FAM151B: variants seen among roughly 807,000 people sequenced by gnomAD.
FAM151B encodes the protein family with sequence similarity 151 member B.
FAM151B carries 24 observed loss-of-function variants against 31.2 expected under a neutral mutation model. That is an observed-to-expected ratio of 0.77 (90% confidence interval 0.56 to 1.08). FAM151B has a LOEUF of 1.08. Among genes scored for constraint, FAM151B ranks in the 50% least tolerant of loss-of-function variants. The pLI, the probability that FAM151B is intolerant of heterozygous loss-of-function variation, is 0.00. For missense variants in FAM151B, 293 were observed against 328.6 expected, an observed-to-expected ratio of 0.89 and a Z score of 0.84; for synonymous variants, 105 against 111.4, an observed-to-expected ratio of 0.94 and a Z score of 0.36.
intron 1 of FAM151B, among the ~76,000 whole-genome samples, 171 bp from the exon 2 acceptor site, chr5:80,501,621 A>T (rs926829512): frequency 4.6e-5 from 7 of 152,088 alleles, no homozygotes; most frequent in Admixed American, 6.6e-5. Flanking sequence ...GAGATGATGG[A>T]TATGTTAATT....
chr5:80,514,525 TGGA>T (rs1271744110), intron 3 of FAM151B, among the ~76,000 whole-genome samples: 1 of 146,808 alleles, frequency 6.8e-6, no homozygotes, highest in East Asian at 2.0e-4. Context: ...TAATAATATT[TGGA>T]GGCATTAATA....
intron 2 of FAM151B, among the ~76,000 whole-genome samples, chr5:80,506,647 C>G (rs1220857340): frequency 6.6e-6 from 1 of 152,154 alleles, no homozygotes; most frequent in East Asian, 1.9e-4. Flanking sequence ...AAACATAAAT[C>G]AAGCCTCTTT....
chr5:80,534,873 TAAAA>T (rs1201477345), intron 5 of FAM151B, among the ~76,000 whole-genome samples: 1 of 152,024 alleles, frequency 6.6e-6, no homozygotes, highest in African/African-American at 2.4e-5. Flanking sequence ...AGACTCCACA[TAAAA>T]AAACTATTAG....
At chr5:80,526,657 C>G (rs1174598161) in intron 5 of FAM151B, among the ~76,000 whole-genome samples, 1 of 151,938 alleles carries the variant, frequency 6.6e-6, no homozygotes, top group Non-Finnish European at 1.5e-5. Flanking sequence ...CTTGAGTTTT[C>G]TAAGCAAAAA....
At chr5:80,491,909 G>A (rs1241819607) in intron 1 of FAM151B, among the ~76,000 whole-genome samples, 1 of 152,156 alleles carries the variant, frequency 6.6e-6, no homozygotes, top group African/African-American at 2.4e-5. Context: ...TTAGTGGTCA[G>A]CAAACTTTTT....
intron 4 of FAM151B, among the ~76,000 whole-genome samples, chr5:80,520,335 ATAGAGT>A (rs1332902296): frequency 2.6e-5 from 4 of 152,060 alleles, no homozygotes; most frequent in Non-Finnish European, 5.9e-5. Flanking sequence ...TTGATAGAGT[ATAGAGT>A]TATTTAAAAT....
chr5:80,538,402 T>A (rs1249046150), intron 5 of FAM151B, among the ~76,000 whole-genome samples: 2 of 47,988 alleles, frequency 4.2e-5, no homozygotes, highest in East Asian at 1.3e-3. Context: ...CTTTCTTTCT[T>A]TCTTTCTTTC....
At chr5:80,514,516 A>AAT (rs1168803213) in intron 3 of FAM151B, among the ~76,000 whole-genome samples, 2 of 148,442 alleles carry the variant, frequency 1.3e-5, no homozygotes, top group African/African-American at 4.9e-5. Flanking sequence ...TAATAATAAT[A>AAT]ATAATATTTG....
intron 2 of FAM151B, among the ~76,000 whole-genome samples, chr5:80,508,777 A>G (rs938726200): frequency 1.3e-5 from 2 of 152,140 alleles, no homozygotes; most frequent in African/African-American, 4.8e-5. Flanking sequence ...CTACTTTGGT[A>G]TGCAAGTTAA....
At chr5:80,499,007 C>G in intron 1 of FAM151B, 1 of 160,692 alleles carries the variant, frequency 6.2e-6, no homozygotes, top group Non-Finnish European at 1.3e-5. Context: ...CCACAGATGG[C>G]AGATGGAAAA....
At chr5:80,488,187 C>T (rs766702007) in intron 1 of FAM151B, 39 bp downstream of exon 1, 6 of 1,527,692 alleles carry the variant, frequency 3.9e-6, no homozygotes, top group Non-Finnish European at 5.3e-6. Context: ...GGAGGTGGGG[C>T]GCTTTGAGAG....
chr5:80,541,626 G>A (rs368080662), intron 5 of FAM151B, 47 bp from the exon 6 acceptor site: 37 of 1,573,954 alleles, frequency 2.4e-5, no homozygotes, highest in South Asian at 8.1e-5. Context: ...ATGACTCATC[G>A]CTTTCTTCCA....
chr5:80,497,902 C>T (rs1743603153), intron 1 of FAM151B, among the ~76,000 whole-genome samples: 1 of 151,922 alleles, frequency 6.6e-6, no homozygotes, highest in African/African-American at 2.4e-5. Flanking sequence ...TGTAACAAAC[C>T]TGCACGTTGT....
intron 2 of FAM151B, among the ~76,000 whole-genome samples, chr5:80,509,099 A>G (rs1744090628): frequency 6.6e-6 from 1 of 151,926 alleles, no homozygotes. Flanking sequence ...TCAGCCTTCT[A>G]AGTAGCTGGG....
chr5:80,530,523 G>A (rs1745188629), intron 5 of FAM151B, among the ~76,000 whole-genome samples: 1 of 152,160 alleles, frequency 6.6e-6, no homozygotes, highest in South Asian at 2.1e-4. Flanking sequence ...AAGCTGATAA[G>A]CAACTTCAGC....
At chr5:80,524,778 G>T (rs1201716649) in intron 5 of FAM151B, among the ~76,000 whole-genome samples, 2 of 152,068 alleles carry the variant, frequency 1.3e-5, no homozygotes, top group African/African-American at 4.8e-5. Flanking sequence ...AAAGACTGAA[G>T]GTTAGAATTG....
At chr5:80,498,324 C>CT (rs1269069652) in intron 1 of FAM151B, among the ~76,000 whole-genome samples, 41 of 150,032 alleles carry the variant, frequency 2.7e-4, no homozygotes, top group African/African-American at 6.1e-4. Flanking sequence ...CCTAACTGTC[C>CT]TTTTTTTTTT....
intron 1 of FAM151B, among the ~76,000 whole-genome samples, chr5:80,496,148 T>C (rs1164286155): frequency 2.0e-5 from 3 of 152,180 alleles, no homozygotes; most frequent in Admixed American, 2.0e-4. Context: ...TCAAACAGCA[T>C]TGTGTGCCAC....
rs748947459 is a variant in FAM151B, at chr5:80,488,144, C to A, written c.21C>A (p.Gly7=). 3 of 1,543,068 alleles carry A rather than the reference C, an allele frequency of 1.9e-6. No homozygotes were observed. The South Asian group carries it at 3.6e-5, about 18-fold the overall frequency. MAASAG[G]PGSWSENILE... ...TCACCATGGCAGCATCCGCTGGAGG[C>A]CCAGGTAAGCGCCGAGCGCGCGGCC... The change falls in exon 1 of 6, where the codon GGC becomes GGA. Residue 7 remains glycine, a synonymous_variant. Transcript: ENST00000282226.
Sources: allele counts gnomAD v4.1 joint callset (sites outside exome capture counted in the v4.1 genomes callset), GRCh38; gene constraint gnomAD v4.1.1; transcripts MANE v1.5; gene names NCBI Gene and HGNC (gene_info 2026-07-23, HGNC 2026-07-21).